The following GPC4 variants were observed in gnomAD, a reference collection of about 807,000 sequenced individuals.
The protein encoded by GPC4 is glypican-4.
GPC4 carries 10 observed loss-of-function variants against 35.0 expected under a neutral mutation model. That is an observed-to-expected ratio of 0.29 (90% CI 0.18 to 0.48). The LOEUF (loss-of-function observed/expected upper bound fraction) is 0.48, where lower values mean the gene tolerates loss of function less well. Ranked by LOEUF, GPC4 falls within the 20% of genes least tolerant of loss-of-function variation. GPC4 has a pLI of 0.99. For synonymous variants in GPC4, 167 were observed against 170.2 expected, an observed-to-expected ratio of 0.98 and a Z score of 0.15; for missense variants, 322 against 451.3, an observed-to-expected ratio of 0.71 and a Z score of 2.60.
chrX:133,392,439 A>G (rs966890675), intron 1 of GPC4, among the ~76,000 whole-genome samples: 1 of 106,412 alleles, frequency 9.4e-6, no homozygotes, highest in Non-Finnish European at 1.9e-5. Flanking sequence ...GGCTTATCCA[A>G]TGAGACAGCT....
intron 1 of GPC4, among the ~76,000 whole-genome samples, chrX:133,344,045 C>A (rs927497388): frequency 9.2e-6 from 1 of 109,117 alleles, no homozygotes; most frequent in Non-Finnish European, 1.9e-5. Flanking sequence ...GGCTAATGTT[C>A]GTTTATTTTC....
intron 1 of GPC4, among the ~76,000 whole-genome samples, chrX:133,412,694 A>T (rs111665972): frequency 3.6e-3 from 405 of 112,040 alleles, no homozygotes; most frequent in African/African-American, 0.012. Flanking sequence ...GGGAATGTCC[A>T]GATAGACATA....
At chrX:133,324,013 TA>T in intron 3 of GPC4, 131 bp downstream of exon 3, 1 of 596,652 alleles carries the variant, frequency 1.7e-6, no homozygotes, top group African/African-American at 2.3e-5. Context: ...AGAGAAGAGG[TA>T]AGAGAGGAAG....
chrX:133,401,017 G>A (rs1354134125), intron 1 of GPC4, among the ~76,000 whole-genome samples: 1 of 111,293 alleles, frequency 9.0e-6, no homozygotes, highest in Non-Finnish European at 1.9e-5. Context: ...AGTGAACCAT[G>A]CTGCTATCTG....
At chrX:133,335,605 C>T (rs1427736036) in intron 2 of GPC4, among the ~76,000 whole-genome samples, 1 of 111,849 alleles carries the variant, frequency 8.9e-6, no homozygotes, top group Admixed American at 9.5e-5. Flanking sequence ...AGGGACTCAT[C>T]TCTCAAATCC....
chrX:133,413,635 C>A (rs1046925258), intron 1 of GPC4, among the ~76,000 whole-genome samples: 27 of 110,718 alleles, frequency 2.4e-4, no homozygotes, highest in African/African-American at 6.9e-4. Context: ...GCTCAGCCCC[C>A]CCCCCGGGCT....
intron 1 of GPC4, among the ~76,000 whole-genome samples, chrX:133,409,114 G>A (rs1292312670): frequency 1.9e-5 from 2 of 104,110 alleles, no homozygotes; most frequent in African/African-American, 3.5e-5. Context: ...GAGATCACGC[G>A]ACTGCAATCC....
At chrX:133,410,258 G>A (rs1187733671) in intron 1 of GPC4, among the ~76,000 whole-genome samples, 1 of 112,227 alleles carries the variant, frequency 8.9e-6, no homozygotes, top group Non-Finnish European at 1.9e-5. Context: ...CTTACTATCT[G>A]TACAACATAG....
Position 133,305,836 on chromosome X carries a change from C to A in GPC4, c.1091G>T (p.Arg364Leu). The change falls in exon 6 of 9, where the codon CGC (arginine) becomes CTC (leucine). Residue 364 changes from arginine (R) to leucine (L), a missense_variant. Arg to Leu is a moderately radical substitution (Grantham distance 102). Around this residue, in one of 3 missense-constraint regions of GPC4, gnomAD observed 163 missense variants for 277.2 expected, o/e 0.59. Coordinates refer to ENST00000370828, the MANE Select transcript of GPC4 (RefSeq NM_001448.3). ...RSISESAFSA[R>L]FRPHHPEERP... Reference sequence around the variant, plus strand: ...TTCCTCGGGGTGATGTGGTCTGAAGCGAGCACTGAAGGCACTTTCAGAGAT... The same window carrying A: ...TTCCTCGGGGTGATGTGGTCTGAAGAGAGCACTGAAGGCACTTTCAGAGAT... 1 of 1,211,707 alleles carries A rather than the reference C, an allele frequency of 8.3e-7. No homozygotes were observed. Among genetic ancestry groups the A allele is most frequent in the Non-Finnish European group, 1.1e-6 (1 of 895,461 alleles).
intron 3 of GPC4, among the ~76,000 whole-genome samples, chrX:133,315,758 T>C (rs4063990): frequency 2.7e-5 from 3 of 111,589 alleles, no homozygotes; most frequent in Non-Finnish European, 5.7e-5. Flanking sequence ...ATTGCTACCT[T>C]GGGGCACAGC....
At chrX:133,306,224 A>C (rs1324685308) in intron 4 of GPC4, 70 bp from the exon 5 acceptor site, 9 of 1,126,602 alleles carry the variant, frequency 8.0e-6, no homozygotes, top group African/African-American at 3.6e-5. Context: ...TGGGTAAATC[A>C]ATCTGATTTT....
chrX:133,322,501 A>C (rs1052630271), intron 3 of GPC4, among the ~76,000 whole-genome samples: 1 of 106,269 alleles, frequency 9.4e-6, no homozygotes, highest in African/African-American at 3.4e-5. Flanking sequence ...TGGAGGTTGC[A>C]GTGAGCGGAG....
At chrX:133,354,568 A>ATTTTTTTT (rs77166014) in intron 1 of GPC4, among the ~76,000 whole-genome samples, 159 of 95,177 alleles carry the variant, frequency 1.7e-3, no homozygotes, top group Non-Finnish European at 2.1e-3. Context: ...TTATTTATTT[A>ATTTTTTTT]TTTTTTTTTT....
chrX:133,320,379 C>T (rs914348262), intron 3 of GPC4, among the ~76,000 whole-genome samples: 5 of 111,191 alleles, frequency 4.5e-5, no homozygotes, highest in Non-Finnish European at 9.4e-5. Flanking sequence ...ATAATTCCAG[C>T]ACTTTGGGAG....
At chrX:133,373,457 A>C (rs1459950189) in intron 1 of GPC4, among the ~76,000 whole-genome samples, 1 of 111,895 alleles carries the variant, frequency 8.9e-6, no homozygotes, top group Non-Finnish European at 1.9e-5. Flanking sequence ...ATGTGTCAAA[A>C]AGGTATGGTA....
intron 1 of GPC4, among the ~76,000 whole-genome samples, chrX:133,410,021 C>CTCT (rs1433320333): frequency 2.3e-5 from 1 of 43,128 alleles, no homozygotes; most frequent in East Asian, 8.7e-4. Flanking sequence ...CCCTCATTGG[C>CTCT]TCAATTGTAT....
chrX:133,404,662 C>T (rs890398751), intron 1 of GPC4, among the ~76,000 whole-genome samples: 5 of 108,737 alleles, frequency 4.6e-5, no homozygotes, highest in Non-Finnish European at 9.5e-5. Context: ...CGAGACCAGC[C>T]TGGCCAACAT....
intron 3 of GPC4, among the ~76,000 whole-genome samples, chrX:133,322,126 G>A (rs1395110197): frequency 1.8e-5 from 2 of 111,488 alleles, no homozygotes; most frequent in Admixed American, 9.5e-5. Flanking sequence ...GCCAGTCCAC[G>A]ACAGTCCTGG....
intron 1 of GPC4, among the ~76,000 whole-genome samples, chrX:133,376,268 C>T (rs1569352500): frequency 8.9e-6 from 1 of 112,029 alleles, no homozygotes; most frequent in Admixed American, 9.5e-5. Flanking sequence ...GAGGGAGGCA[C>T]ACAACCTACC....
Sources: gnomAD v4.1 joint callset for allele counts (sites outside exome capture counted in the v4.1 genomes callset) on GRCh38, gnomAD v4.1.1 for gene constraint, gnomAD v4.1.1 regional missense constraint, MANE v1.5 for transcripts, NCBI Gene and HGNC (gene_info 2026-07-23, HGNC 2026-07-21) for gene names.